Variants in ZCCHC24 observed in about 807,000 individuals in gnomAD.
ZCCHC24 encodes zinc finger CCHC-type containing 24, also known as zinc finger CCHC domain-containing protein 24.
A neutral mutation model predicts 26.2 loss-of-function variants in ZCCHC24; 10 were observed. The observed-to-expected ratio is 0.38, with a 90% CI of 0.24 to 0.65. The LOEUF (loss-of-function observed/expected upper bound fraction) is 0.65, where lower values mean the gene tolerates loss of function less well. Ranked by LOEUF, ZCCHC24 falls within the 30% of genes least tolerant of loss-of-function variation. The probability of loss-of-function intolerance (pLI) is 0.54; values close to 1 mark genes in which losing one functional copy is unlikely to be tolerated. For missense variants in ZCCHC24, 243 were observed against 329.1 expected (o/e 0.74, Z 2.03); for synonymous variants, 144 against 147.1 (o/e 0.98, Z 0.15).
chr10:79,429,330 C>T (rs1857094173), intron 2 of ZCCHC24, among the ~76,000 whole-genome samples: 1 of 152,188 alleles, frequency 6.6e-6, no homozygotes, highest in South Asian at 2.1e-4. Context: ...TGCCTGTAAT[C>T]CCAGCACTTT....
chr10:79,432,930 T>C (rs1370060595), intron 1 of ZCCHC24, among the ~76,000 whole-genome samples, 172 bp from the exon 2 acceptor site: 1 of 152,220 alleles, frequency 6.6e-6, no homozygotes, highest in Non-Finnish European at 1.5e-5. Context: ...ACAAGCCAGT[T>C]AACTACTCTG....
intron 1 of ZCCHC24, among the ~76,000 whole-genome samples, chr10:79,441,079 A>AACACACACACACACAC (rs55762333): frequency 0.033 from 4,488 of 135,512 alleles, 91 homozygotes; most frequent in African/African-American, 0.046. Context: ...CTGCCCCCTA[A>AACACACACACACACAC]ACACACACAC....
At chr10:79,436,366 G>C (rs919781678) in intron 1 of ZCCHC24, among the ~76,000 whole-genome samples, 12 of 152,232 alleles carry the variant, frequency 7.9e-5, no homozygotes, top group East Asian at 5.8e-4. Context: ...CAGGCCTCAG[G>C]CTCCAAGGAA....
intron 2 of ZCCHC24, 21 bp from the exon 3 acceptor site, chr10:79,394,461 A>C: frequency 1.2e-6 from 2 of 1,610,110 alleles, no homozygotes; most frequent in Non-Finnish European, 1.7e-6. Flanking sequence ...GGAAGCAAAC[A>C]CAGGGGATTG....
intron 2 of ZCCHC24, among the ~76,000 whole-genome samples, chr10:79,425,089 G>C (rs914243645): frequency 5.9e-5 from 9 of 152,338 alleles, no homozygotes; most frequent in Middle Eastern, 6.8e-3. Context: ...GACAGACTGT[G>C]TGTCCTGGGC....
In ZCCHC24 at chr10:79,388,272, C is replaced by A. The variant is rs144529744; in HGVS notation, c.613-1814G>T. Among the ~76,000 whole-genome samples the A allele has an allele frequency of 2.3e-3, 356 of 152,216 alleles. 2 individuals are homozygous for A. Among genetic ancestry groups the A allele is most frequent in the South Asian group, 8.3e-3 (40 of 4,814 alleles). ...TTGTCTTATCGGTGGGAGGGGGACACCAGCTGGTGGAGGGCTATCAAAATT... is the reference window on the plus strand; with the variant it reads ...TTGTCTTATCGGTGGGAGGGGGACAACAGCTGGTGGAGGGCTATCAAAATT... On this transcript the variant is annotated intron_variant, in intron 3 of 3. Transcript: ENST00000372336.
intron 1 of ZCCHC24, among the ~76,000 whole-genome samples, chr10:79,437,648 G>C (rs1857233786): frequency 6.6e-6 from 1 of 152,208 alleles, no homozygotes; most frequent in Admixed American, 6.5e-5. Context: ...CAGAGGCCCT[G>C]TGACATCATA....
chr10:79,429,489 G>A (rs1252655323), intron 2 of ZCCHC24, among the ~76,000 whole-genome samples: 1 of 152,198 alleles, frequency 6.6e-6, no homozygotes, highest in Non-Finnish European at 1.5e-5. Context: ...GCTGAGGCAT[G>A]AGAATCACTT....
At chr10:79,391,518 G>A (rs967057512) in intron 3 of ZCCHC24, among the ~76,000 whole-genome samples, 2 of 152,012 alleles carry the variant, frequency 1.3e-5, no homozygotes, top group Non-Finnish European at 1.5e-5. Flanking sequence ...CTCTGCTTAA[G>A]TCACAGTGGG....
At chr10:79,393,177 T>C (rs1347609210) in intron 3 of ZCCHC24, among the ~76,000 whole-genome samples, 1 of 152,264 alleles carries the variant, frequency 6.6e-6, no homozygotes, top group Non-Finnish European at 1.5e-5. Context: ...ACGTTTAGGT[T>C]GATGACACCC....
chr10:79,423,215 T>C (rs1463858863), intron 2 of ZCCHC24, among the ~76,000 whole-genome samples: 1 of 152,110 alleles, frequency 6.6e-6, no homozygotes, highest in Non-Finnish European at 1.5e-5. Context: ...CCCTAGGCAC[T>C]TTTGCCTTTG....
intron 2 of ZCCHC24, among the ~76,000 whole-genome samples, chr10:79,398,656 G>A (rs149914805): frequency 0.01 from 1,558 of 152,326 alleles, 8 homozygotes; most frequent in Non-Finnish European, 0.016. Context: ...AGGCATCTTC[G>A]CTTTCTAGAA....
intron 1 of ZCCHC24, among the ~76,000 whole-genome samples, chr10:79,436,438 C>T (rs1437409870): frequency 5.9e-5 from 9 of 152,216 alleles, no homozygotes; most frequent in Non-Finnish European, 1.2e-4. Context: ...GGCCCCGACT[C>T]CCACCAGAGG....
At chr10:79,409,467 C>G (rs1302261864) in intron 2 of ZCCHC24, among the ~76,000 whole-genome samples, 1 of 152,206 alleles carries the variant, frequency 6.6e-6, no homozygotes, top group Non-Finnish European at 1.5e-5. Flanking sequence ...CCTGCCCTCT[C>G]CTCAGGGACA....
At chr10:79,402,466 G>C (rs905900293) in intron 2 of ZCCHC24, among the ~76,000 whole-genome samples, 4 of 152,070 alleles carry the variant, frequency 2.6e-5, no homozygotes, top group African/African-American at 4.8e-5. Flanking sequence ...TAGTAGAGAC[G>C]GGGTTTCACT....
At chr10:79,402,659 T>G (rs1856652465) in intron 2 of ZCCHC24, among the ~76,000 whole-genome samples, 1 of 152,198 alleles carries the variant, frequency 6.6e-6, no homozygotes, top group South Asian at 2.1e-4. Flanking sequence ...ACCTACAATG[T>G]GCCACACGCT....
intron 1 of ZCCHC24, among the ~76,000 whole-genome samples, chr10:79,441,405 C>G (rs1303705799): frequency 6.6e-6 from 1 of 152,112 alleles, no homozygotes; most frequent in Non-Finnish European, 1.5e-5. Context: ...TTGTGACACC[C>G]TTGCTACTGT....
chr10:79,390,935 G>A (rs980281681), intron 3 of ZCCHC24, among the ~76,000 whole-genome samples: 15 of 152,302 alleles, frequency 9.8e-5, no homozygotes, highest in Admixed American at 8.5e-4. Flanking sequence ...GAGCACCGCC[G>A]CTGGGCTCTT....
At position 79,394,224 on chromosome 10, in the gene ZCCHC24, A is replaced by G. The variant is rs1856514116; in HGVS notation, c.612+52T>C. 8.2e-6 allele frequency: 13 copies of G among 1,583,676 alleles called. No homozygotes were observed. The Admixed American group carries it at 1.9e-4, about 23-fold the overall frequency. On this transcript the variant is annotated intron_variant, in intron 3 of 3. Transcript: ENST00000372336. ...GAGTAAACTGAGGTCCGGTAAGGGA[A>G]AAGTTGCCCTCCCGCGGTCCTTCTG...
Sources: gnomAD v4.1 joint callset for allele counts (sites outside exome capture counted in the v4.1 genomes callset) on GRCh38, gnomAD v4.1.1 for gene constraint, MANE v1.5 for transcripts, NCBI Gene and HGNC (gene_info 2026-07-23, HGNC 2026-07-21) for gene names.